GARRE1: variants seen among roughly 807,000 people sequenced by gnomAD.
GARRE1 encodes granule associated Rac and RHOG effector 1, also known as granule associated Rac and RHOG effector protein 1.
Under a neutral mutation model 103.2 loss-of-function variants are expected in GARRE1, and 49 were observed. The observed-to-expected ratio is 0.47, with a 90% CI of 0.38 to 0.60. GARRE1 has a LOEUF of 0.60. GARRE1 is among the 20% of genes least tolerant of loss of function. The pLI is 0.00. For synonymous variants in GARRE1, 505 were observed against 532.8 expected, an observed-to-expected ratio of 0.95 and a Z score of 0.72; for missense variants, 1,199 against 1,370.5, an observed-to-expected ratio of 0.87 and a Z score of 1.98.
At chr19:34,329,798 T>G (rs1485670336) in intron 6 of GARRE1, among the ~76,000 whole-genome samples, 2 of 150,736 alleles carry the variant, frequency 1.3e-5, no homozygotes, top group Non-Finnish European at 2.9e-5. Flanking sequence ...ATTGTGCCAG[T>G]GCACTCCAGC....
intron 1 of GARRE1, 30 bp from the exon 2 acceptor site, chr19:34,299,649 C>G (rs2073966262): frequency 6.6e-6 from 1 of 152,174 alleles, no homozygotes; most frequent in African/African-American, 2.4e-5. Context: ...TGTAGCCTTC[C>G]TCACTTTATC....
intron 2 of GARRE1, among the ~76,000 whole-genome samples, chr19:34,310,263 C>G (rs965247907): frequency 6.6e-6 from 1 of 152,222 alleles, no homozygotes; most frequent in African/African-American, 2.4e-5. Flanking sequence ...ATGGCCTGTT[C>G]TGGCAGCCTC....
At chr19:34,340,438 TTTTTC>T (rs60039902) in intron 9 of GARRE1, among the ~76,000 whole-genome samples, 29,528 of 145,206 alleles carry the variant, frequency 0.2, 3,933 homozygotes, top group African/African-American at 0.37. Context: ...CCCCTCTCCC[TTTTTC>T]TTTTCTTTTC....
At chr19:34,267,790 T>A (rs2073761500) in intron 1 of GARRE1, among the ~76,000 whole-genome samples, 1 of 151,670 alleles carries the variant, frequency 6.6e-6, no homozygotes, top group Non-Finnish European at 1.5e-5. Context: ...GTTTTTTTTT[T>A]TTTGATGGAG....
At position 34,258,580 on chromosome 19, in the gene GARRE1, C is replaced by T. The variant is rs565149817; in HGVS notation, c.-796+3966C>T. Among the ~76,000 whole-genome samples, 10 of 151,782 alleles carry T rather than the reference C, an allele frequency of 6.6e-5. No individual in the cohort carries two copies. In the East Asian group the frequency reaches 1.2e-3, roughly 18 times the overall value. On this transcript the variant is annotated intron_variant, in intron 1 of 13. Coordinates refer to ENST00000299505, the MANE Select transcript of GARRE1 (RefSeq NM_014686.5). ...TGAGCGGATCACGAGGTCAGGAGAC[C>T]GAGACCATCTTGGCTAACATGGTGA...
In GARRE1 at chr19:34,330,332, T is replaced by C. The variant is rs1031679420; in HGVS notation, c.1248T>C (p.Phe416=). The change falls in exon 7 of 14, where the codon TTT becomes TTC. Residue 416 remains phenylalanine, a synonymous_variant. Coordinates refer to ENST00000299505, the MANE Select transcript of GARRE1 (RefSeq NM_014686.5). ...GACKTAVQLL[F]GQAGLVVVDT... ...GCAAGACGGCGGTGCAGCTGCTGTT[T>C]GGCCAGGCTGGACTGGTGAGTGAGC... 1 of 1,614,206 alleles carries C rather than the reference T, an allele frequency of 6.2e-7. No individual in the cohort carries two copies. The highest frequency in any genetic ancestry group is 1.7e-5 in the Admixed American group (1 of 60,016).
intron 1 of GARRE1, among the ~76,000 whole-genome samples, chr19:34,269,732 TTTGTTTTAGTAGCTACCTC>T (rs1348999675): frequency 6.6e-6 from 1 of 152,158 alleles, no homozygotes; most frequent in Non-Finnish European, 1.5e-5. Context: ...TGACCTTTGT[TTTGTTTTAGTAGCTACCTC>T]TTGACTAGAA....
chr19:34,331,201 T>TA (rs1048497285), intron 7 of GARRE1, among the ~76,000 whole-genome samples: 18 of 145,388 alleles, frequency 1.2e-4, no homozygotes, highest in African/African-American at 2.5e-4. Flanking sequence ...ACCCGGCCCT[T>TA]AAAAAAAAAA....
chr19:34,350,124 G>A (rs539767091), intron 12 of GARRE1, among the ~76,000 whole-genome samples: 2 of 152,314 alleles, frequency 1.3e-5, no homozygotes, highest in South Asian at 4.1e-4. Flanking sequence ...AGCAGGGTAT[G>A]AGGGTAGTAA....
intron 2 of GARRE1, among the ~76,000 whole-genome samples, chr19:34,302,853 TCCTGCCTC>T (rs2073987791): frequency 6.7e-6 from 1 of 150,042 alleles, no homozygotes; most frequent in African/African-American, 2.5e-5. Context: ...CTAGCAGTTC[TCCTGCCTC>T]AGCCTCCTGA....
intron 8 of GARRE1, among the ~76,000 whole-genome samples, chr19:34,334,298 C>A (rs1354690519): frequency 6.6e-6 from 1 of 151,888 alleles, no homozygotes; most frequent in East Asian, 1.9e-4. Flanking sequence ...AAAGATTATT[C>A]TTAATTTATT....
intron 10 of GARRE1, 99 bp from the exon 11 acceptor site, chr19:34,347,778 C>T: frequency 8.4e-7 from 1 of 1,187,532 alleles, no homozygotes. Flanking sequence ...TCCTCACTGC[C>T]TTTCATTGCA....
intron 1 of GARRE1, chr19:34,296,647 G>C (rs1368662334): frequency 9.7e-7 from 1 of 1,033,168 alleles, no homozygotes; most frequent in Non-Finnish European, 1.5e-6. Context: ...ATCCACTTAA[G>C]AGATTTGTAT....
chr19:34,350,657 C>A (rs1332175167), intron 12 of GARRE1, among the ~76,000 whole-genome samples: 1 of 152,182 alleles, frequency 6.6e-6, no homozygotes, highest in Non-Finnish European at 1.5e-5. Flanking sequence ...TCTTAGCTCA[C>A]TGCAAGCTCC....
chr19:34,330,181 A>G lies in GARRE1; in HGVS notation c.1105-8A>G, dbSNP rs1336387382. 1.9e-6 allele frequency: 3 copies of G among 1,613,238 alleles called. No homozygotes were observed. Among genetic ancestry groups the G allele is most frequent in the Non-Finnish European group, 2.5e-6 (3 of 1,179,378 alleles). ...TGAGGTGTGAACTCTCTTCTTATCA[A>G]TCTATAGCATACAATGTTACAGCTG... On this transcript the variant is annotated splice_region_variant and splice_polypyrimidine_tract_variant and intron_variant, in intron 6 of 13. Transcript: ENST00000299505.
rs141149806 is a variant in GARRE1, at chr19:34,341,690, A to G, written c.1756A>G (p.Thr586Ala). 1.9e-6 allele frequency: 3 copies of G among 1,614,122 alleles called. No individual in the cohort carries two copies. The highest frequency in any genetic ancestry group is 2.7e-5 in the African/African-American group (2 of 74,934). The change falls in exon 10 of 14, where the codon ACA (threonine) becomes GCA (alanine). Residue 586 changes from threonine to alanine, a missense_variant. Physicochemically the swap from Thr to Ala is moderately conservative, Grantham distance 58. Transcript: ENST00000299505. ...GGCCAAAATGCCTGGCAATATTGAT[A>G]CAAGGTTACAAAGCATTTTGAACAT... Reference protein sequence around the residue: ...EKAKMPGNIDTRLQSILNIGN... With the variant: ...EKAKMPGNIDARLQSILNIGN...
rs554713810 is a variant in GARRE1 at position 34,332,088 on chromosome 19, C to T, written c.1264-1616C>T. On this transcript the variant is annotated intron_variant, in intron 7 of 13. Coordinates refer to ENST00000299505, the MANE Select transcript of GARRE1 (RefSeq NM_014686.5). ...AAGAACTTGTTTTTTAGTCTGGTTC[C>T]TACTTTATTCACAAAAAGAGCTATT... 1.2e-3 allele frequency among the ~76,000 whole-genome samples: 188 copies of T among 152,016 alleles called. 1 individual carries two copies. Among genetic ancestry groups the T allele is most frequent in the African/African-American group, 4.4e-3 (181 of 41,464 alleles).
chr19:34,258,880 C>G (rs138354419), intron 1 of GARRE1, among the ~76,000 whole-genome samples: 13 of 152,014 alleles, frequency 8.6e-5, no homozygotes, highest in African/African-American at 3.1e-4. Flanking sequence ...GCCTGGGCAA[C>G]ATAGTGAGAC....
chr19:34,268,233 G>A (rs13344685), intron 1 of GARRE1, among the ~76,000 whole-genome samples: 14,577 of 152,164 alleles, frequency 0.096, 1,090 homozygotes, highest in African/African-American at 0.2. Context: ...GACTATTTTA[G>A]TTGATAGATG....
Sources: gnomAD v4.1 joint callset for allele counts (sites outside exome capture counted in the v4.1 genomes callset) on GRCh38, gnomAD v4.1.1 for gene constraint, MANE v1.5 for transcripts, NCBI Gene and HGNC (gene_info 2026-07-23, HGNC 2026-07-21) for gene names.